The following CCM2 variants were observed in gnomAD, a reference collection of about 807,000 sequenced individuals.
CCM2 encodes the protein CCM2 scaffold protein, also known as cerebral cavernous malformations 2 protein.
Under a neutral mutation model 44.9 loss-of-function variants are expected in CCM2, and 25 were observed. The ratio of observed to expected loss-of-function variants is 0.56; its 90% CI spans 0.41 to 0.78. The LOEUF is 0.78. Ranked by LOEUF, CCM2 falls within the 30% of genes least tolerant of loss-of-function variation. The pLI is 0.00. For synonymous variants in CCM2, 219 were observed against 241.1 expected, an observed-to-expected ratio of 0.91 and a Z score of 0.85; for missense variants, 481 against 580.6, an observed-to-expected ratio of 0.83 and a Z score of 1.76.
chr7:45,007,128 G>C (rs1795878039), intron 1 of CCM2, among the ~76,000 whole-genome samples: 1 of 152,208 alleles, frequency 6.6e-6, no homozygotes, highest in Non-Finnish European at 1.5e-5. Context: ...CCACGGACGA[G>C]CTGCTCAGAG....
intron 2 of CCM2, among the ~76,000 whole-genome samples, chr7:45,041,551 C>T (rs993174475): frequency 1.3e-5 from 2 of 152,164 alleles, no homozygotes; most frequent in Non-Finnish European, 2.9e-5. Context: ...ACAGAACCCC[C>T]TGCCAAAGCC....
At chr7:45,069,437 A>G (rs1798945513) in intron 5 of CCM2, among the ~76,000 whole-genome samples, 1 of 152,240 alleles carries the variant, frequency 6.6e-6, no homozygotes, top group East Asian at 1.9e-4. Context: ...TATAGCTGTT[A>G]GAAATGCCTC....
In CCM2 at chr7:45,075,960, C is replaced by T. The variant is rs143962510; in HGVS notation, c.1238C>T (p.Ser413Leu). ...NRATGSSDDRSAPSEGDEWDR... is the reference protein window; with the variant it reads ...NRATGSSDDRLAPSEGDEWDR... ...GCCACGGGCAGCTCTGATGACCGGT[C>T]GGCACCCTCAGAGGGGGATGAGTGG... The change falls in exon 10 of 10, where the codon TCG (serine) becomes TTG (leucine). Residue 413 changes from serine to leucine, a missense_variant. Transcript: ENST00000258781. 420 of 1,613,002 alleles carry T rather than the reference C, an allele frequency of 2.6e-4. 2 individuals are homozygous for T. The highest frequency in any genetic ancestry group is 5.8e-4 in the South Asian group (53 of 91,074).
At position 45,038,389 on chromosome 7, in the gene CCM2, A is replaced by T; in HGVS notation, c.167A>T (p.Asp56Val). 6.2e-7 allele frequency: 1 copy of T among 1,614,190 alleles called. No individual in the cohort carries two copies. The highest frequency in any genetic ancestry group is 1.1e-5 in the South Asian group (1 of 91,088). ...VLSLPERVEPDRLLSDYIEKE... is the reference protein window; with the variant it reads ...VLSLPERVEPVRLLSDYIEKE... ...TCATTGCCTGAGCGCGTCGAGCCAGACAGACTGCTGAGCGACTATATTGAG... is the reference window on the plus strand; with the variant it reads ...TCATTGCCTGAGCGCGTCGAGCCAGTCAGACTGCTGAGCGACTATATTGAG... Residue 56 changes from aspartate to valine, a missense_variant, in exon 2 of 10, where the codon GAC becomes GTC. By Grantham distance (152) the Asp-to-Val change is radical. Coordinates refer to ENST00000258781, the MANE Select transcript of CCM2 (RefSeq NM_031443.4).
chr7:45,059,257 T>TTATACACCAATAATA (rs1297150493), intron 2 of CCM2, among the ~76,000 whole-genome samples: 1 of 152,050 alleles, frequency 6.6e-6, no homozygotes, highest in Non-Finnish European at 1.5e-5. Flanking sequence ...TAATTATTAA[T>TTATACACCAATAATA]ACATTATTGG....
intron 2 of CCM2, among the ~76,000 whole-genome samples, chr7:45,062,783 C>T (rs551669017): frequency 4.7e-5 from 7 of 150,532 alleles, no homozygotes; most frequent in East Asian, 2.0e-4. Flanking sequence ...GCCAAGATCA[C>T]GCCTCTGCAC....
chr7:45,035,587 ACTATTCCAGGTCGGGCAAGGGGAG>A (rs1261266461), intron 1 of CCM2, among the ~76,000 whole-genome samples: 1 of 152,158 alleles, frequency 6.6e-6, no homozygotes, highest in Non-Finnish European at 1.5e-5. Flanking sequence ...TCAAGGGAAG[ACTATTCCAGGTCGGGCAAGGGGAG>A]CTATTCCAGG....
chr7:45,070,072 C>A, intron 6 of CCM2, 111 bp downstream of exon 6: 1 of 1,394,326 alleles, frequency 7.2e-7, no homozygotes, highest in Non-Finnish European at 1.0e-6. Flanking sequence ...ACTGCCGTGA[C>A]ATGGTGGCCT....
At chr7:45,011,062 CAG>C (rs1796046143) in intron 1 of CCM2, among the ~76,000 whole-genome samples, 1 of 152,190 alleles carries the variant, frequency 6.6e-6, no homozygotes, top group Admixed American at 6.6e-5. Context: ...TTTCCAGAGA[CAG>C]GGTCTCATTC....
At chr7:45,007,685 T>C (rs1795900085) in intron 1 of CCM2, among the ~76,000 whole-genome samples, 1 of 152,110 alleles carries the variant, frequency 6.6e-6, no homozygotes, top group African/African-American at 2.4e-5. Context: ...AATAGGAACA[T>C]GGAATTTGGG....
chr7:45,068,340 A>G (rs1798885085), intron 4 of CCM2, 103 bp from the exon 5 acceptor site: 1 of 1,484,792 alleles, frequency 6.7e-7, no homozygotes, highest in Non-Finnish European at 9.3e-7. Flanking sequence ...GAGCCAGGTA[A>G]AGGTCCTCTC....
chr7:45,022,272 TA>T (rs1313130666), intron 1 of CCM2, among the ~76,000 whole-genome samples: 5 of 151,384 alleles, frequency 3.3e-5, no homozygotes, highest in Non-Finnish European at 5.9e-5. Context: ...TGGGGATCAT[TA>T]TTTTTTTTTG....
chr7:45,073,547 G>A lies in CCM2; in HGVS notation c.891G>A (p.Glu297=), dbSNP rs144648280. The A allele has an allele frequency of 1.1e-5, 17 of 1,611,828 alleles. No individual in the cohort carries two copies. The highest frequency in any genetic ancestry group is 1.4e-5 in the Non-Finnish European group (17 of 1,179,432). ...SESELSASAT[E]LLQDYMLTLR... Reference sequence around the variant, plus strand: ...GCGAGCTGAGCGCCAGCGCCACTGAGCTGCTGCAGGACTACATGCTGACGG... The same window carrying A: ...GCGAGCTGAGCGCCAGCGCCACTGAACTGCTGCAGGACTACATGCTGACGG... The change falls in exon 8 of 10, where the codon GAG becomes GAA. Residue 297 remains glutamate, a synonymous_variant. Coordinates refer to ENST00000258781, the MANE Select transcript of CCM2 (RefSeq NM_031443.4).
intron 2 of CCM2, among the ~76,000 whole-genome samples, chr7:45,051,490 C>T (rs1798005009): frequency 1.3e-5 from 2 of 152,148 alleles, no homozygotes; most frequent in South Asian, 2.1e-4. Flanking sequence ...CTCTGCCTCC[C>T]GGGTTCATGC....
intron 1 of CCM2, among the ~76,000 whole-genome samples, chr7:45,033,105 G>C (rs1050980692): frequency 1.4e-5 from 2 of 147,290 alleles, no homozygotes; most frequent in African/African-American, 2.5e-5. Flanking sequence ...AGCTGAGCTC[G>C]ATGTAGGGAA....
At chr7:45,053,439 A>T (rs554117103) in intron 2 of CCM2, among the ~76,000 whole-genome samples, 1 of 152,146 alleles carries the variant, frequency 6.6e-6, no homozygotes, top group Admixed American at 6.5e-5. Flanking sequence ...TCTTGTTTAT[A>T]TATAGTAAGC....
intron 1 of CCM2, among the ~76,000 whole-genome samples, chr7:45,023,332 C>T (rs911827385): frequency 6.6e-6 from 1 of 152,034 alleles, no homozygotes; most frequent in Non-Finnish European, 1.5e-5. Flanking sequence ...GGTGGATCAC[C>T]TGAGGTCAGG....
In CCM2 at chr7:45,064,651, A is replaced by G. The variant is rs779904076; in HGVS notation, c.472+5A>G. 3.1e-6 allele frequency: 5 copies of G among 1,613,666 alleles called. No homozygotes were observed. Among genetic ancestry groups the G allele is most frequent in the Non-Finnish European group, 4.2e-6 (5 of 1,180,008 alleles). ...ACCTGGTGGTCCTGAAGACAGGTAC[A>G]GGAGGTCAGGGGTCAGGAGGGTCCT... On this transcript the variant is annotated splice_donor_5th_base_variant and intron_variant, in intron 4 of 9. Coordinates refer to ENST00000258781, the MANE Select transcript of CCM2 (RefSeq NM_031443.4).
At chr7:45,013,128 C>T (rs1796129591) in intron 1 of CCM2, among the ~76,000 whole-genome samples, 2 of 151,956 alleles carry the variant, frequency 1.3e-5, no homozygotes, top group South Asian at 4.1e-4. Flanking sequence ...TTTGCTGTAA[C>T]TCCTCTATAT....
Sources: gnomAD v4.1 joint callset for allele counts (sites outside exome capture counted in the v4.1 genomes callset) on GRCh38, gnomAD v4.1.1 for gene constraint, MANE v1.5 for transcripts, NCBI Gene and HGNC (gene_info 2026-07-23, HGNC 2026-07-21) for gene names.